Variants in DVL2 observed in about 807,000 individuals in gnomAD.
DVL2 encodes the protein dishevelled segment polarity protein 2.
In DVL2, 38 loss-of-function variants were observed where a neutral mutation model predicts 69.8. That is an observed-to-expected ratio of 0.54 (90% CI 0.42 to 0.71). DVL2 has a LOEUF of 0.71. Among genes scored for constraint, DVL2 ranks in the 30% least tolerant of loss-of-function variants. DVL2 has a pLI of 0.00. For synonymous variants in DVL2, 428 were observed against 392.4 expected, an observed-to-expected ratio of 1.09 and a Z score of -1.07; for missense variants, 931 against 1,008.1, an observed-to-expected ratio of 0.92 and a Z score of 1.04.
intron 1 of DVL2, among the ~76,000 whole-genome samples, chr17:7,233,713 G>C (rs898865902): frequency 6.6e-6 from 1 of 152,186 alleles, no homozygotes; most frequent in Non-Finnish European, 1.5e-5. Flanking sequence ...CTCCCAAAGT[G>C]CTGGGATTAC....
Position 7,226,489 on chromosome 17 carries a change from G to A in DVL2, c.1694C>T (p.Pro565Leu), listed in dbSNP as rs771429420. 4 of 1,579,990 alleles carry A rather than the reference G, an allele frequency of 2.5e-6. No individual in the cohort carries two copies. The highest frequency in any genetic ancestry group is 2.7e-5 in the African/African-American group (2 of 73,492). The change falls in exon 14 of 15, where the codon CCT becomes CTT. Residue 565 changes from proline to leucine, a missense_variant. By Grantham distance (98) the Pro-to-Leu change is moderately conservative. Coordinates refer to ENST00000005340, the MANE Select transcript of DVL2 (RefSeq NM_004422.3). ...YPAPHPYSPQPPPYHELSSYT... is the reference protein window; with the variant it reads ...YPAPHPYSPQLPPYHELSSYT... Reference sequence around the variant, plus strand: ...AGATGAAAGCTCATGGTAGGGTGGAGGCTGCGGGCTGTAGGGGTGTGGGGC... The same window carrying A: ...AGATGAAAGCTCATGGTAGGGTGGAAGCTGCGGGCTGTAGGGGTGTGGGGC...
In DVL2 at chr17:7,230,856, C is replaced by G. The variant is rs958240960; in HGVS notation, c.195-59G>C. On this transcript the variant is annotated intron_variant, in intron 1 of 14. Transcript: ENST00000005340. ...GACCAACCATCCCCACCCCGACCCCCATCAAACTTTCTCCCAATCTTCACC... is the reference window on the plus strand; with the variant it reads ...GACCAACCATCCCCACCCCGACCCCGATCAAACTTTCTCCCAATCTTCACC... 8 of 1,356,522 alleles carry G rather than the reference C, an allele frequency of 5.9e-6. No individual in the cohort carries two copies. The African/African-American group carries it at 1.2e-4, about 20-fold the overall frequency. The allele number at this position is 1,356,522 out of a possible 1,614,324, so 84.0% of individuals were successfully genotyped here. A position where few individuals can be genotyped will look rare whatever the true frequency, so the allele number is the denominator to read the frequency against.
rs892496156 is a variant in DVL2 at position 7,225,452 on chromosome 17, A to T, written c.*413T>A. On this transcript the variant is annotated 3_prime_UTR_variant, in exon 15 of 15. Coordinates refer to ENST00000005340, the MANE Select transcript of DVL2 (RefSeq NM_004422.3). ...TCCCAGCTTCCTCAGGCTGCTGTCT[A>T]GGATGCCTAACCCCGGGGTACCGCT... The T allele has an allele frequency of 4.4e-5, 19 of 432,202 alleles. No individual in the cohort carries two copies. Among genetic ancestry groups the T allele is most frequent in the Admixed American group, 1.9e-4 (5 of 26,382 alleles). 26.8% of individuals were successfully genotyped at this position (432,202 alleles called of 1,614,324 possible). A position where few individuals can be genotyped will look rare whatever the true frequency, so the allele number is the denominator to read the frequency against.
Position 7,229,188 on chromosome 17 carries a change from C to T in DVL2, c.904G>A (p.Gly302Ser), listed in dbSNP as rs916383550. The T allele has an allele frequency of 1.2e-6, 2 of 1,614,230 alleles. No homozygotes were observed. Among genetic ancestry groups the T allele is most frequent in the Admixed American group, 1.7e-5 (1 of 60,030 alleles). The part of the protein sequence containing the change: ...GGIYIGSIMK[G>S]GAVAADGRIE... Reference sequence around the variant, plus strand: ...CGCCCGTCGGCCGCCACAGCCCCACCCTTCATGATGGAGCCAATGTAGATG... The same window carrying T: ...CGCCCGTCGGCCGCCACAGCCCCACTCTTCATGATGGAGCCAATGTAGATG... The change falls in exon 8 of 15, where the codon GGT becomes AGT. Residue 302 changes from glycine to serine, a missense_variant. Transcript: ENST00000005340. This position sits in a 1 kb window ranked among gnomAD's most constrained non-coding sequence, Gnocchi z 4.4.
At chr17:7,227,953 G>A in intron 10 of DVL2, 24 bp downstream of exon 10, 1 of 1,576,150 alleles carries the variant, frequency 6.3e-7, no homozygotes, top group Non-Finnish European at 8.6e-7. Context: ...CCCAACTTCA[G>A]GCCCCTCCCT....
intron 1 of DVL2, 161 bp downstream of exon 1, chr17:7,233,908 C>A (rs1328689008): frequency 1.3e-6 from 1 of 756,828 alleles, no homozygotes; most frequent in Non-Finnish European, 2.2e-6. Flanking sequence ...CAAGCATAAC[C>A]TTGTCCATCC....
chr17:7,233,373 A>T (rs2071577103), intron 1 of DVL2, among the ~76,000 whole-genome samples: 1 of 152,076 alleles, frequency 6.6e-6, no homozygotes, highest in Admixed American at 6.5e-5. Flanking sequence ...TGCTCCAATA[A>T]AACCAAGTCT....
chr17:7,233,279 C>G (rs2071574733), intron 1 of DVL2, among the ~76,000 whole-genome samples: 1 of 151,920 alleles, frequency 6.6e-6, no homozygotes, highest in African/African-American at 2.4e-5. Context: ...ACGCAGCTGT[C>G]TGCACCAGTC....
chr17:7,226,057 C>T lies in DVL2; in HGVS notation c.2019G>A (p.Met673Ile), dbSNP rs1489247757. 1 of 1,605,396 alleles carries T rather than the reference C, an allele frequency of 6.2e-7. No individual in the cohort carries two copies. The highest frequency in any genetic ancestry group is 1.7e-5 in the Admixed American group (1 of 59,280). The change falls in exon 15 of 15, where the codon ATG becomes ATA. Residue 673 changes from methionine (M) to isoleucine (I), a missense_variant. Met to Ile is a conservative substitution (Grantham distance 10). Coordinates refer to ENST00000005340, the MANE Select transcript of DVL2 (RefSeq NM_004422.3). The stretch of plus-strand genomic sequence containing the variant: ...CCATCATGGGGTTGTAGGGGAGGGC[C>T]ATGCCAGGGGGCGGTCCATAGGGAT... Reference protein sequence around the residue: ...GLHPYGPPPGMALPYNPMMVV... With the variant: ...GLHPYGPPPGIALPYNPMMVV...
Position 7,229,328 on chromosome 17 carries a change from C to A in DVL2, c.817+50G>T. The A allele has an allele frequency of 6.2e-7, 1 of 1,613,426 alleles. No homozygotes were observed. The highest frequency in any genetic ancestry group is 8.5e-7 in the Non-Finnish European group (1 of 1,179,694). ...AGCCCCTGCCACAGGACGCCCGGAA[C>A]CCTAGAGACCAGGCCCTCCCCACGC... On this transcript the variant is annotated intron_variant, in intron 7 of 14. Coordinates refer to ENST00000005340, the MANE Select transcript of DVL2 (RefSeq NM_004422.3). The surrounding 1 kb of genome is among the most constrained non-coding windows in gnomAD (Gnocchi z 4.4).
intron 1 of DVL2, among the ~76,000 whole-genome samples, chr17:7,233,087 C>CAAAAAGAAAAAAAAAAAA (rs2071568683): frequency 2.8e-5 from 1 of 36,284 alleles, no homozygotes; most frequent in Non-Finnish European, 6.1e-5. Context: ...GAGACTGTCT[C>CAAAAAGAAAAAAAAAAAA]AAAAAAAAAA....
At position 7,225,345 on chromosome 17, in the gene DVL2, T is replaced by A; in HGVS notation, c.*520A>T. 1.7e-6 allele frequency: 1 copy of A among 588,846 alleles called. No homozygotes were observed. Among genetic ancestry groups the A allele is most frequent in the South Asian group, 2.0e-5 (1 of 49,544 alleles). The allele number at this position is 588,846 out of a possible 1,614,324, so 36.5% of individuals were successfully genotyped here. A position where few individuals can be genotyped will look rare whatever the true frequency, so the allele number is the denominator to read the frequency against. On this transcript the variant is annotated 3_prime_UTR_variant, in exon 15 of 15. Transcript: ENST00000005340. ...AGAAAGGAGCCAGAGGCGTGGGGAG[T>A]TTGCCTCTATTGCTTTATTTGGTGT...
Position 7,225,352 on chromosome 17 carries a change from C to A in DVL2, c.*513G>T. 1.7e-6 allele frequency: 1 copy of A among 579,986 alleles called. No homozygotes were observed. The highest frequency in any genetic ancestry group is 3.1e-6 in the Non-Finnish European group (1 of 326,746). 35.9% of individuals were successfully genotyped at this position (579,986 alleles called of 1,614,324 possible). A position where few individuals can be genotyped will look rare whatever the true frequency, so the allele number is the denominator to read the frequency against. The stretch of plus-strand genomic sequence containing the variant: ...AGCCAGAGGCGTGGGGAGTTTGCCT[C>A]TATTGCTTTATTTGGTGTTTTATAC... On this transcript the variant is annotated 3_prime_UTR_variant, in exon 15 of 15. Transcript: ENST00000005340.
At chr17:7,226,670 A>T in intron 13 of DVL2, 31 bp from the exon 14 acceptor site, 1 of 1,467,772 alleles carries the variant, frequency 6.8e-7, no homozygotes, top group South Asian at 1.4e-5. Flanking sequence ...GGAAGAAATC[A>T]CTGCTTCAAG....
chr17:7,233,892 T>C (rs1157314191), intron 1 of DVL2, 177 bp downstream of exon 1: 5 of 705,570 alleles, frequency 7.1e-6, no homozygotes, highest in Non-Finnish European at 1.2e-5. Context: ...TGTGCCTCAA[T>C]CTATCCAAGC....
rs767952746 is a variant in DVL2, at chr17:7,229,346, C to T, written c.817+32G>A. On this transcript the variant is annotated intron_variant, in intron 7 of 14. Coordinates refer to ENST00000005340, the MANE Select transcript of DVL2 (RefSeq NM_004422.3). The surrounding 1 kb of genome is among the most constrained non-coding windows in gnomAD (Gnocchi z 4.4). ...CCCGGAACCCTAGAGACCAGGCCCT[C>T]CCCACGCCCTAGCCACAGGCTCTCC... 2.5e-6 allele frequency: 4 copies of T among 1,613,628 alleles called. No individual in the cohort carries two copies. The East Asian group carries it at 8.9e-5, about 36-fold the overall frequency.
At chr17:7,226,810 G>A (rs898041639) in intron 13 of DVL2, 171 bp from the exon 14 acceptor site, 2 of 651,858 alleles carry the variant, frequency 3.1e-6, no homozygotes, top group Non-Finnish European at 5.1e-6. Context: ...TCTGCCATGA[G>A]GGCAGGGGCA....
chr17:7,231,726 G>A (rs1313813667), intron 1 of DVL2, among the ~76,000 whole-genome samples: 4 of 151,920 alleles, frequency 2.6e-5, no homozygotes, highest in African/African-American at 9.7e-5. Flanking sequence ...AGCCAGGCAT[G>A]GTGGTGCACA....
At chr17:7,230,003 G>C in intron 4 of DVL2, 43 bp downstream of exon 4, 1 of 1,611,572 alleles carries the variant, frequency 6.2e-7, no homozygotes, top group Non-Finnish European at 8.5e-7. Context: ...ACCAAGGCTG[G>C]GGTCTGGCCC....
Sources: gnomAD v4.1 joint callset for allele counts (sites outside exome capture counted in the v4.1 genomes callset) on GRCh38, gnomAD v4.1.1 for gene constraint, Gnocchi (gnomAD v3.1) non-coding constraint, MANE v1.5 for transcripts, NCBI Gene and HGNC (gene_info 2026-07-23, HGNC 2026-07-21) for gene names.